XIRP2: variants seen among roughly 807,000 people sequenced by gnomAD.
XIRP2 encodes xin actin binding repeat containing 2.
Under a neutral mutation model 277.0 loss-of-function variants are expected in XIRP2, and 236 were observed. The observed-to-expected ratio is 0.85, with a 90% CI of 0.77 to 0.95. The LOEUF is 0.95. Among genes scored for constraint, XIRP2 ranks in the 40% least tolerant of loss-of-function variants. XIRP2 has a pLI of 0.00. For missense variants in XIRP2, 4,640 were observed against 4,157.5 expected (o/e 1.12, Z -3.19); for synonymous variants, 1,490 against 1,416.5 (o/e 1.05, Z -1.17).
chr2:166,934,798 AG>A (rs1685445755), intron 2 of XIRP2, among the ~76,000 whole-genome samples: 2 of 152,080 alleles, frequency 1.3e-5, no homozygotes, highest in African/African-American at 4.8e-5. Context: ...AAATCACTTG[AG>A]GTCAGGAGAC....
At chr2:167,088,337 C>G (rs1264062466) in intron 2 of XIRP2, among the ~76,000 whole-genome samples, 2 of 152,062 alleles carry the variant, frequency 1.3e-5, no homozygotes, top group Non-Finnish European at 2.9e-5. Context: ...ATTCTCCATT[C>G]CCTGCATTTC....
chr2:167,088,962 C>T (rs1690059744), intron 2 of XIRP2, among the ~76,000 whole-genome samples: 1 of 152,122 alleles, frequency 6.6e-6, no homozygotes, highest in African/African-American at 2.4e-5. Context: ...GTGAGGAACT[C>T]TGCCATTTTT....
chr2:166,911,957 G>A (rs1256170469), intron 2 of XIRP2, among the ~76,000 whole-genome samples: 1 of 152,184 alleles, frequency 6.6e-6, no homozygotes, highest in East Asian at 1.9e-4. Context: ...CTGGCTTGTA[G>A]AGTTTCTGCC....
chr2:167,110,133 C>G (rs1343378291), intron 2 of XIRP2, among the ~76,000 whole-genome samples: 1 of 152,098 alleles, frequency 6.6e-6, no homozygotes, highest in Non-Finnish European at 1.5e-5. Flanking sequence ...TGTCTGTTTA[C>G]TCTGTTGATA....
intron 3 of XIRP2, among the ~76,000 whole-genome samples, chr2:167,157,566 AT>A (rs1692236714): frequency 1.3e-5 from 2 of 152,084 alleles, no homozygotes; most frequent in South Asian, 4.1e-4. Flanking sequence ...CACCAAATAG[AT>A]ATACACACCA....
intron 2 of XIRP2, among the ~76,000 whole-genome samples, chr2:167,024,874 T>A (rs998343758): frequency 2.6e-5 from 4 of 152,162 alleles, no homozygotes; most frequent in Non-Finnish European, 4.4e-5. Flanking sequence ...TATTGAGGAT[T>A]TTTGCATCAA....
intron 2 of XIRP2, among the ~76,000 whole-genome samples, chr2:166,939,679 C>CAAAAAAAAA (rs138977006): frequency 6.6e-4 from 60 of 90,508 alleles, no homozygotes; most frequent in East Asian, 1.4e-3. Context: ...GACTCCATCA[C>CAAAAAAAAA]AAAAAAAAAA....
chr2:167,193,653 G>C (rs949091814), intron 3 of XIRP2, among the ~76,000 whole-genome samples: 1 of 152,118 alleles, frequency 6.6e-6, no homozygotes, highest in Non-Finnish European at 1.5e-5. Context: ...TGAGGGAGGT[G>C]AATCACTTGA....
In XIRP2 at chr2:167,245,749, A is replaced by C; in HGVS notation, c.4357A>C (p.Thr1453Pro). 6.2e-7 allele frequency: 1 copy of C among 1,613,780 alleles called. No homozygotes were observed. Among genetic ancestry groups the C allele is most frequent in the Non-Finnish European group, 8.5e-7 (1 of 1,179,774 alleles). ...EIQKGNVKTS[T>P]WLFETHTMDE... Reference sequence around the variant, plus strand: ...ACAAAAGGGCAATGTTAAAACATCTACTTGGCTATTTGAAACCCACACTAT... The same window carrying C: ...ACAAAAGGGCAATGTTAAAACATCTCCTTGGCTATTTGAAACCCACACTAT... The change falls in exon 9 of 11, where the codon ACT (threonine) becomes CCT (proline). Residue 1453 changes from threonine (T) to proline (P), a missense_variant. Coordinates refer to ENST00000409195, the MANE Select transcript of XIRP2 (RefSeq NM_152381.6).
chr2:167,004,505 T>C (rs184856732), intron 2 of XIRP2, among the ~76,000 whole-genome samples: 2 of 151,976 alleles, frequency 1.3e-5, no homozygotes, highest in African/African-American at 2.4e-5. Flanking sequence ...TACCAGACCA[T>C]ACATTGAATA....
At chr2:167,042,884 C>T (rs1229410153) in intron 2 of XIRP2, among the ~76,000 whole-genome samples, 2 of 152,068 alleles carry the variant, frequency 1.3e-5, no homozygotes, top group Non-Finnish European at 2.9e-5. Flanking sequence ...CAGAATATTC[C>T]ATCCAACAAC....
intron 5 of XIRP2, among the ~76,000 whole-genome samples, chr2:167,226,364 T>G (rs777508690): frequency 6.6e-6 from 1 of 152,150 alleles, no homozygotes; most frequent in South Asian, 2.1e-4. Flanking sequence ...CCTACCCACA[T>G]CCACCTTCCC....
intron 3 of XIRP2, among the ~76,000 whole-genome samples, chr2:167,159,845 T>C (rs1221944428): frequency 6.6e-6 from 1 of 152,186 alleles, no homozygotes; most frequent in Non-Finnish European, 1.5e-5. Flanking sequence ...TTTAGTTACA[T>C]CTTTCATTAA....
intron 2 of XIRP2, among the ~76,000 whole-genome samples, chr2:166,930,185 A>G (rs1485426780): frequency 1.3e-5 from 2 of 152,086 alleles, no homozygotes; most frequent in African/African-American, 4.8e-5. Context: ...AGGCACTTCC[A>G]TTTATTTTTA....
chr2:167,259,592 T>C lies in XIRP2; in HGVS notation c.*1775T>C. 2.4e-6 allele frequency: 1 copy of C among 424,292 alleles called. No individual in the cohort carries two copies. Among genetic ancestry groups the C allele is most frequent in the Non-Finnish European group, 4.3e-6 (1 of 233,962 alleles). The allele number at this position is 424,292 out of a possible 1,614,324, so 26.3% of individuals were successfully genotyped here. A position where few individuals can be genotyped will look rare whatever the true frequency, so the allele number is the denominator to read the frequency against. ...ACTGGAATGAAGAGATGAAACACTA[T>C]GGATATGTTTTCCATTCAAATGGCA... On this transcript the variant is annotated 3_prime_UTR_variant, in exon 11 of 11. Coordinates refer to ENST00000409195, the MANE Select transcript of XIRP2 (RefSeq NM_152381.6).
chr2:167,097,272 T>C (rs1476562656), intron 2 of XIRP2, among the ~76,000 whole-genome samples: 1 of 152,232 alleles, frequency 6.6e-6, no homozygotes, highest in Non-Finnish European at 1.5e-5. Flanking sequence ...CTCTTCTTGT[T>C]CCATTGATCC....
Position 166,932,290 on chromosome 2 carries a change from C to T in XIRP2, c.408+28400C>T, listed in dbSNP as rs559534946. Among the ~76,000 whole-genome samples the T allele has an allele frequency of 8.3e-4, 126 of 151,850 alleles. 1 individual carries two copies. Among genetic ancestry groups the T allele is most frequent in the African/African-American group, 2.8e-3 (114 of 41,418 alleles). ...GGAGTGCAGTGACTCAATCACAGCT[C>T]ACTGCAGTCTTAACTTCCAGGGCTC... On this transcript the variant is annotated intron_variant, in intron 2 of 10. Transcript: ENST00000409195.
intron 2 of XIRP2, among the ~76,000 whole-genome samples, chr2:166,924,716 C>T (rs1233269089): frequency 2.0e-5 from 3 of 152,020 alleles, no homozygotes; most frequent in African/African-American, 7.2e-5. Flanking sequence ...TTCCTCCAAA[C>T]TGTCTCTCAG....
intron 2 of XIRP2, among the ~76,000 whole-genome samples, chr2:167,074,622 GCA>G (rs1689513863): frequency 7.0e-6 from 1 of 142,570 alleles, no homozygotes; most frequent in East Asian, 2.0e-4. Context: ...GTGTGTGTGT[GCA>G]TGTGTGTGTG....
Sources: gnomAD v4.1 joint callset for allele counts (sites outside exome capture counted in the v4.1 genomes callset) on GRCh38, gnomAD v4.1.1 for gene constraint, MANE v1.5 for transcripts, NCBI Gene and HGNC (gene_info 2026-07-23, HGNC 2026-07-21) for gene names.